MYRFL: variants seen among roughly 807,000 people sequenced by gnomAD.
MYRFL encodes myelin regulatory factor-like protein.
MYRFL carries 88 observed loss-of-function variants against 109.4 expected under a neutral mutation model. That is an observed-to-expected ratio of 0.80 (90% confidence interval 0.68 to 0.96). The LOEUF (loss-of-function observed/expected upper bound fraction) is 0.96, where lower values mean the gene tolerates loss of function less well. Among genes scored for constraint, MYRFL ranks in the 40% least tolerant of loss-of-function variants. MYRFL has a pLI of 0.00. For synonymous variants in MYRFL, 324 were observed against 320.9 expected (o/e 1.01, Z -0.10); for missense variants, 957 against 954.9 (o/e 1.00, Z -0.03).
At chr12:69,858,005 A>C (rs542290276) in intron 2 of MYRFL, among the ~76,000 whole-genome samples, 1 of 151,778 alleles carries the variant, frequency 6.6e-6, no homozygotes, top group South Asian at 2.1e-4. Flanking sequence ...TTTTTTTTTA[A>C]CCATGCCCTT....
At chr12:69,859,862 C>T (rs571129770) in intron 2 of MYRFL, among the ~76,000 whole-genome samples, 13 of 152,266 alleles carry the variant, frequency 8.5e-5, no homozygotes, top group Middle Eastern at 3.4e-3. Context: ...GTCAGTGTGG[C>T]AATTCCTCAG....
At chr12:69,850,133 G>A (rs1343066974) in intron 1 of MYRFL, among the ~76,000 whole-genome samples, 1 of 152,176 alleles carries the variant, frequency 6.6e-6, no homozygotes, top group East Asian at 1.9e-4. Flanking sequence ...CTCTTGTCTT[G>A]TCTGACACCA....
intron 2 of MYRFL, among the ~76,000 whole-genome samples, chr12:69,874,172 G>T (rs1885518515): frequency 6.6e-6 from 1 of 152,004 alleles, no homozygotes; most frequent in African/African-American, 2.4e-5. Context: ...ATTTTATTTT[G>T]TTATTTTATT....
intron 19 of MYRFL, among the ~76,000 whole-genome samples, chr12:69,939,952 G>T (rs1374863905): frequency 6.6e-6 from 1 of 152,216 alleles, no homozygotes; most frequent in Admixed American, 6.5e-5. Flanking sequence ...AGCAATGGAA[G>T]ATGAAATGGA....
intron 1 of MYRFL, among the ~76,000 whole-genome samples, chr12:69,853,775 C>A (rs913898578): frequency 1.3e-5 from 2 of 150,562 alleles, no homozygotes; most frequent in Admixed American, 1.3e-4. Flanking sequence ...GGGCTCCTCA[C>A]ATCCCAGACG....
At chr12:69,855,924 A>G (rs1350800707) in intron 2 of MYRFL, among the ~76,000 whole-genome samples, 14 of 152,112 alleles carry the variant, frequency 9.2e-5, no homozygotes, top group Admixed American at 7.2e-4. Flanking sequence ...TGGTATTAAT[A>G]TAGGCACTCT....
At chr12:69,870,057 T>C (rs1885250962) in intron 2 of MYRFL, among the ~76,000 whole-genome samples, 1 of 151,382 alleles carries the variant, frequency 6.6e-6, no homozygotes, top group African/African-American at 2.4e-5. Context: ...AGGCAAATTA[T>C]TTTATTTTTA....
chr12:69,845,488 A>T (rs1883473281), intron 1 of MYRFL, among the ~76,000 whole-genome samples: 1 of 152,224 alleles, frequency 6.6e-6, no homozygotes, highest in Non-Finnish European at 1.5e-5. Context: ...GGCATGTGGG[A>T]TATATTCCAC....
At chr12:69,841,894 T>C (rs566613885) in intron 1 of MYRFL, among the ~76,000 whole-genome samples, 2 of 152,332 alleles carry the variant, frequency 1.3e-5, no homozygotes, top group South Asian at 4.1e-4. Flanking sequence ...GCTAAGCACT[T>C]TGCTTGTATT....
At chr12:69,904,694 C>T (rs748124503) in intron 11 of MYRFL, among the ~76,000 whole-genome samples, 9 of 152,208 alleles carry the variant, frequency 5.9e-5, no homozygotes, top group Non-Finnish European at 1.3e-4. Context: ...CTACTAACAC[C>T]TCATTCCAAC....
At chr12:69,937,240 T>C (rs1031943228) in intron 19 of MYRFL, among the ~76,000 whole-genome samples, 2 of 152,132 alleles carry the variant, frequency 1.3e-5, no homozygotes, top group Non-Finnish European at 2.9e-5. Context: ...TAAGATTACA[T>C]ACAAGTCTTC....
intron 14 of MYRFL, among the ~76,000 whole-genome samples, 195 bp from the exon 15 acceptor site, chr12:69,927,489 GT>G (rs1159756794): frequency 3.9e-5 from 6 of 151,956 alleles, no homozygotes; most frequent in Admixed American, 3.9e-4. Context: ...GAAATACAAT[GT>G]TTAATTCATT....
chr12:69,930,347 A>G (rs1261593824), intron 15 of MYRFL, among the ~76,000 whole-genome samples: 2 of 152,120 alleles, frequency 1.3e-5, no homozygotes, highest in Admixed American at 6.5e-5. Flanking sequence ...GGAAGATTGA[A>G]GTCTCCTGAT....
At chr12:69,856,216 A>G (rs942531452) in intron 2 of MYRFL, among the ~76,000 whole-genome samples, 19 of 152,186 alleles carry the variant, frequency 1.2e-4, no homozygotes, top group Admixed American at 3.9e-4. Context: ...TTCATTTAGC[A>G]TAATGTCTTT....
chr12:69,891,043 C>A lies in MYRFL; in HGVS notation c.780C>A (p.Cys260Ter), dbSNP rs1353448222. ...NFSPADEAFV[C>*]QKKNHFQITI... ...CACCAGCAGATGAAGCTTTTGTTTG[C>A]CAAAAGAAGAATCATTTCCAGATAA... The change falls in exon 7 of 25, where the codon TGC becomes TGA. Residue 260 changes from cysteine (C) to a stop codon, truncating the protein, a stop_gained. Coordinates refer to ENST00000552032, the MANE Select transcript of MYRFL (RefSeq NM_182530.3). LOFTEE classifies it high-confidence loss of function. The A allele has an allele frequency of 3.3e-6, 5 of 1,534,334 alleles. No individual in the cohort carries two copies. In the African/African-American group the frequency reaches 6.9e-5, roughly 21 times the overall value.
At chr12:69,889,104 T>G (rs1403422935) in intron 6 of MYRFL, among the ~76,000 whole-genome samples, 1 of 152,072 alleles carries the variant, frequency 6.6e-6, no homozygotes, top group Non-Finnish European at 1.5e-5. Context: ...TAGAAACTCT[T>G]GTGTTATTCA....
chr12:69,918,144 A>G (rs1954805769), intron 13 of MYRFL, among the ~76,000 whole-genome samples: 1 of 152,182 alleles, frequency 6.6e-6, no homozygotes, highest in African/African-American at 2.4e-5. Context: ...TCATAAAAGT[A>G]TCAGATTTAT....
intron 1 of MYRFL, among the ~76,000 whole-genome samples, chr12:69,826,104 A>T (rs559834601): frequency 6.6e-6 from 1 of 152,076 alleles, no homozygotes; most frequent in African/African-American, 2.4e-5. Flanking sequence ...GTTGAATGGA[A>T]TGGGCTGAAT....
At chr12:69,920,022 T>C (rs1384704059) in intron 13 of MYRFL, among the ~76,000 whole-genome samples, 2 of 152,148 alleles carry the variant, frequency 1.3e-5, no homozygotes, top group East Asian at 3.9e-4. Context: ...TGTGCCCCAA[T>C]ATCTTGGGTA....
Sources: allele counts gnomAD v4.1 joint callset (sites outside exome capture counted in the v4.1 genomes callset), GRCh38; gene constraint gnomAD v4.1.1; transcripts MANE v1.5; gene names NCBI Gene and HGNC (gene_info 2026-07-23, HGNC 2026-07-21).